ASB3: variants seen among roughly 807,000 people sequenced by gnomAD.
ASB3 encodes ankyrin repeat and SOCS box containing 3.
A neutral mutation model predicts 54.5 loss-of-function variants in ASB3; 41 were observed. The ratio of observed to expected loss-of-function variants is 0.75; its 90% CI spans 0.59 to 0.98. The LOEUF (loss-of-function observed/expected upper bound fraction) is 0.98, where lower values mean the gene tolerates loss of function less well. ASB3 is among the 50% of genes least tolerant of loss of function. The probability of loss-of-function intolerance (pLI) is 0.00; values close to 1 mark genes in which losing one functional copy is unlikely to be tolerated. For synonymous variants in ASB3, 266 were observed against 221.2 expected, an observed-to-expected ratio of 1.20 and a Z score of -1.80; for missense variants, 733 against 620.0, an observed-to-expected ratio of 1.18 and a Z score of -1.94.
intron 7 of ASB3, among the ~76,000 whole-genome samples, chr2:53,708,509 C>A (rs907589668): frequency 1.3e-5 from 2 of 152,074 alleles, no homozygotes; most frequent in African/African-American, 4.8e-5. Context: ...TATAAAGATA[C>A]CTAAAAATGT....
intron 7 of ASB3, among the ~76,000 whole-genome samples, chr2:53,704,125 C>G (rs936398311): frequency 6.6e-6 from 1 of 151,846 alleles, no homozygotes; most frequent in Non-Finnish European, 1.5e-5. Context: ...CACCAAAAAG[C>G]CAAGGCGGAC....
chr2:53,731,126 G>A (rs1671283353), intron 3 of ASB3, among the ~76,000 whole-genome samples: 1 of 152,202 alleles, frequency 6.6e-6, no homozygotes, highest in African/African-American at 2.4e-5. Context: ...TCTCCACCGA[G>A]TGTGGTGGCT....
chr2:53,740,466 T>C (rs1426897312), intron 3 of ASB3, among the ~76,000 whole-genome samples: 5 of 152,212 alleles, frequency 3.3e-5, no homozygotes, highest in Non-Finnish European at 7.3e-5. Context: ...CAAGTTTATG[T>C]TTTTCCAGCA....
chr2:53,725,322 G>A (rs1053423585), intron 5 of ASB3, among the ~76,000 whole-genome samples: 6 of 152,282 alleles, frequency 3.9e-5, no homozygotes, highest in Admixed American at 1.3e-4. Context: ...GCTGAAAAGC[G>A]AACTGTTGAG....
chr2:53,724,380 C>T (rs1471056164), intron 5 of ASB3, among the ~76,000 whole-genome samples: 2 of 152,044 alleles, frequency 1.3e-5, no homozygotes, highest in African/African-American at 4.8e-5. Context: ...GGGTGGATCA[C>T]GAGGTGAGGA....
At chr2:53,772,929 G>A (rs914366446) in intron 1 of ASB3, among the ~76,000 whole-genome samples, 1 of 152,012 alleles carries the variant, frequency 6.6e-6, no homozygotes, top group Non-Finnish European at 1.5e-5. Flanking sequence ...TGGAGCACCA[G>A]AAAGTTTTAT....
At chr2:53,712,243 C>A (rs1670141219) in intron 7 of ASB3, among the ~76,000 whole-genome samples, 1 of 151,848 alleles carries the variant, frequency 6.6e-6, no homozygotes. Context: ...ATTAAAAACG[C>A]TTCTTTGCCA....
In ASB3 at chr2:53,716,251, C is replaced by A. The variant is rs571778944; in HGVS notation, c.782+315G>T. On this transcript the variant is annotated intron_variant, in intron 6 of 9. Transcript: ENST00000263634. ...TCATCAGATTGATGCTTAAAGATGCCTGGGATAAAACTAGGGAGGAGGAGG... is the reference window on the plus strand; with the variant it reads ...TCATCAGATTGATGCTTAAAGATGCATGGGATAAAACTAGGGAGGAGGAGG... 5.9e-5 allele frequency among the ~76,000 whole-genome samples: 9 copies of A among 152,082 alleles called. No individual in the cohort carries two copies. In the South Asian group the frequency reaches 1.9e-3, roughly 32 times the overall value.
intron 8 of ASB3, among the ~76,000 whole-genome samples, chr2:53,698,888 C>A (rs934912463): frequency 2.0e-5 from 3 of 152,172 alleles, no homozygotes; most frequent in African/African-American, 7.2e-5. Context: ...CAAACTTTAC[C>A]AGCCTCTACC....
At chr2:53,685,681 G>C (rs1169735986) in intron 9 of ASB3, among the ~76,000 whole-genome samples, 1 of 152,158 alleles carries the variant, frequency 6.6e-6, no homozygotes, top group Non-Finnish European at 1.5e-5. Flanking sequence ...TTCTCGATCT[G>C]CATCTGCTAA....
chr2:53,773,618 A>G (rs1462177609), intron 1 of ASB3, among the ~76,000 whole-genome samples: 1 of 151,922 alleles, frequency 6.6e-6, no homozygotes, highest in African/African-American at 2.4e-5. Context: ...TTTAGTAAAG[A>G]CGGGGTTTCA....
At chr2:53,751,380 C>A (rs1176815432) in intron 2 of ASB3, among the ~76,000 whole-genome samples, 1 of 152,054 alleles carries the variant, frequency 6.6e-6, no homozygotes, top group East Asian at 1.9e-4. Flanking sequence ...TCAACTAATA[C>A]CATGAGGCAG....
At chr2:53,732,483 T>C (rs998169051) in intron 3 of ASB3, among the ~76,000 whole-genome samples, 3 of 152,162 alleles carry the variant, frequency 2.0e-5, no homozygotes, top group African/African-American at 7.2e-5. Context: ...GATTATCAGG[T>C]TGTCAACAGT....
At chr2:53,709,662 T>C (rs991497678) in intron 7 of ASB3, among the ~76,000 whole-genome samples, 5 of 152,234 alleles carry the variant, frequency 3.3e-5, no homozygotes, top group African/African-American at 4.8e-5. Flanking sequence ...CCAATTTCTT[T>C]ACATTTACAT....
intron 9 of ASB3, among the ~76,000 whole-genome samples, chr2:53,683,557 GTTC>G (rs759496812): frequency 3.3e-5 from 5 of 152,058 alleles, no homozygotes; most frequent in Non-Finnish European, 7.4e-5. Flanking sequence ...ATTGGTATTA[GTTC>G]TTCTTTAAAT....
At chr2:53,701,837 C>T (rs541973642) in intron 7 of ASB3, among the ~76,000 whole-genome samples, 2 of 152,262 alleles carry the variant, frequency 1.3e-5, no homozygotes, top group African/African-American at 2.4e-5. Flanking sequence ...GCCCAAAATT[C>T]TGTAAACACA....
At chr2:53,755,316 A>C (rs1333765010) in intron 2 of ASB3, among the ~76,000 whole-genome samples, 1 of 152,246 alleles carries the variant, frequency 6.6e-6, no homozygotes, top group Non-Finnish European at 1.5e-5. Context: ...TACTGACACA[A>C]AGTGTCTTTT....
rs188855706 is a variant in ASB3, at chr2:53,702,820, T to C, written c.981-2292A>G. On this transcript the variant is annotated intron_variant, in intron 7 of 9. Coordinates refer to ENST00000263634, the MANE Select transcript of ASB3 (RefSeq NM_016115.5). Reference sequence around the variant, plus strand: ...GAAAACAAAATTTACTTTAAACAAATAGAAATGGGCAAATATCTTCAGCAT... The same window carrying C: ...GAAAACAAAATTTACTTTAAACAAACAGAAATGGGCAAATATCTTCAGCAT... 1.2e-4 allele frequency among the ~76,000 whole-genome samples: 19 copies of C among 152,240 alleles called. No individual in the cohort carries two copies. The South Asian group carries it at 2.7e-3, about 22-fold the overall frequency.
At chr2:53,715,955 G>A (rs1670365350) in intron 6 of ASB3, among the ~76,000 whole-genome samples, 1 of 152,044 alleles carries the variant, frequency 6.6e-6, no homozygotes, top group Non-Finnish European at 1.5e-5. Context: ...ATTATTGACT[G>A]CCAATTTATG....
Sources: gnomAD v4.1 joint callset for allele counts (sites outside exome capture counted in the v4.1 genomes callset) on GRCh38, gnomAD v4.1.1 for gene constraint, MANE v1.5 for transcripts, NCBI Gene and HGNC (gene_info 2026-07-23, HGNC 2026-07-21) for gene names.